NAALADL2: variants seen among roughly 807,000 people sequenced by gnomAD.
NAALADL2 encodes the protein inactive N-acetylated-alpha-linked acidic dipeptidase-like protein 2.
A neutral mutation model predicts 87.2 loss-of-function variants in NAALADL2; 76 were observed. The observed-to-expected ratio is 0.87, with a 90% CI of 0.72 to 1.05. The LOEUF (loss-of-function observed/expected upper bound fraction) is 1.05, where lower values mean the gene tolerates loss of function less well. Among genes scored for constraint, NAALADL2 ranks in the 50% least tolerant of loss-of-function variants. The probability of loss-of-function intolerance (pLI) is 0.00; values close to 1 mark genes in which losing one functional copy is unlikely to be tolerated. For synonymous variants in NAALADL2, 354 were observed against 331.0 expected, an observed-to-expected ratio of 1.07 and a Z score of -0.75; for missense variants, 1,089 against 945.8, an observed-to-expected ratio of 1.15 and a Z score of -1.99.
intron 9 of NAALADL2, among the ~76,000 whole-genome samples, chr3:175,573,830 G>A (rs1718457136): frequency 6.6e-6 from 1 of 152,034 alleles, no homozygotes; most frequent in East Asian, 1.9e-4. Context: ...GTGGGGGGTG[G>A]GGGTCACCAT....
chr3:175,053,631 A>G (rs1268451143), intron 1 of NAALADL2, among the ~76,000 whole-genome samples: 1 of 152,198 alleles, frequency 6.6e-6, no homozygotes, highest in African/African-American at 2.4e-5. Flanking sequence ...TATTTTACCT[A>G]TTTCCTAACT....
intron 1 of NAALADL2, among the ~76,000 whole-genome samples, chr3:174,961,212 G>A (rs1309010190): frequency 6.6e-6 from 1 of 150,846 alleles, no homozygotes; most frequent in African/African-American, 2.4e-5. Context: ...TCAAACTTCT[G>A]TCTTCAAGTG....
At chr3:175,208,899 G>C (rs1220707800) in intron 2 of NAALADL2, among the ~76,000 whole-genome samples, 1 of 152,118 alleles carries the variant, frequency 6.6e-6, no homozygotes, top group Non-Finnish European at 1.5e-5. Context: ...GAACTGTCCA[G>C]GTTGCATTTT....
intron 9 of NAALADL2, among the ~76,000 whole-genome samples, chr3:175,506,031 T>C (rs1730262062): frequency 6.6e-6 from 1 of 152,156 alleles, no homozygotes; most frequent in Non-Finnish European, 1.5e-5. Context: ...TACTACCAGA[T>C]TCCCTTTTGA....
At chr3:175,013,278 CATATAT>C (rs1174600904) in intron 1 of NAALADL2, among the ~76,000 whole-genome samples, 37 of 73,708 alleles carry the variant, frequency 5.0e-4, no homozygotes, top group Middle Eastern at 0.012. Context: ...TATATATATA[CATATAT>C]ATATATATAT....
At chr3:174,503,659 A>G (rs1021954276) in intron 1 of NAALADL2, among the ~76,000 whole-genome samples, 2 of 152,112 alleles carry the variant, frequency 1.3e-5, no homozygotes, top group Admixed American at 6.5e-5. Context: ...AATGCTATGC[A>G]TGCAATTTAT....
chr3:175,152,056 C>T (rs1266503911), intron 2 of NAALADL2, among the ~76,000 whole-genome samples: 3 of 152,224 alleles, frequency 2.0e-5, no homozygotes, highest in East Asian at 3.9e-4. Flanking sequence ...CTGTTATCAA[C>T]TGGGTAATGC....
chr3:175,277,849 C>G (rs1263308723), intron 4 of NAALADL2, among the ~76,000 whole-genome samples: 2 of 152,170 alleles, frequency 1.3e-5, no homozygotes, highest in Non-Finnish European at 2.9e-5. Flanking sequence ...TCTTCTTTTA[C>G]TACTCAAATT....
chr3:174,585,485 T>TA (rs567765002), intron 2 of NAALADL2, among the ~76,000 whole-genome samples: 1 of 152,198 alleles, frequency 6.6e-6, no homozygotes, highest in South Asian at 2.1e-4. Flanking sequence ...CCCTGTAAGA[T>TA]ATCAAGGTTC....
chr3:175,257,266 C>A (rs1049958760), intron 4 of NAALADL2: 2 of 150,154 alleles, frequency 1.3e-5, no homozygotes, highest in African/African-American at 4.9e-5. Context: ...TATTGGATTT[C>A]TCCTCATTCA....
At chr3:175,702,402 A>G (rs1330998669) in intron 11 of NAALADL2, among the ~76,000 whole-genome samples, 1 of 152,176 alleles carries the variant, frequency 6.6e-6, no homozygotes, top group African/African-American at 2.4e-5. Flanking sequence ...TTTCCTTACC[A>G]AGTCATTTAA....
At chr3:174,737,522 TA>T (rs1733343063) in intron 2 of NAALADL2, 1 of 152,158 alleles carries the variant, frequency 6.6e-6, no homozygotes. Flanking sequence ...CTGCTTACAA[TA>T]AAATGAACTG....
At chr3:174,903,980 T>TCTATAC (rs989360437) in intron 1 of NAALADL2, among the ~76,000 whole-genome samples, 3 of 151,424 alleles carry the variant, frequency 2.0e-5, no homozygotes, top group African/African-American at 4.9e-5. Flanking sequence ...TATATCTATA[T>TCTATAC]CTATTTCTAT....
At chr3:175,411,658 G>C (rs1195983019) in intron 5 of NAALADL2, among the ~76,000 whole-genome samples, 1 of 152,088 alleles carries the variant, frequency 6.6e-6, no homozygotes, top group Non-Finnish European at 1.5e-5. Context: ...AAAGAAAAGG[G>C]ATGGATGAAC....
intron 2 of NAALADL2, among the ~76,000 whole-genome samples, chr3:175,145,671 A>G (rs903356903): frequency 1.4e-5 from 2 of 142,850 alleles, no homozygotes; most frequent in African/African-American, 5.2e-5. Context: ...TACTGTCTTG[A>G]TACTTCTGTG....
chr3:174,850,144 C>T (rs774644238), intron 3 of NAALADL2, among the ~76,000 whole-genome samples: 4 of 151,910 alleles, frequency 2.6e-5, no homozygotes, highest in Non-Finnish European at 5.9e-5. Flanking sequence ...CCCTCATGTT[C>T]GAAGGATAAT....
chr3:174,700,759 A>G (rs532627982), intron 2 of NAALADL2, among the ~76,000 whole-genome samples: 2 of 152,316 alleles, frequency 1.3e-5, no homozygotes, highest in African/African-American at 4.8e-5. Context: ...AGGGCAATGA[A>G]GGAAATAAAA....
rs76291473 is a variant in NAALADL2 at position 175,603,648 on chromosome 3, C to T, written c.1801-23643C>T. Reference sequence around the variant, plus strand: ...TTCATGTTGTAGCATATGCCAGAATCGCCTTCCTTTTTAAGGTTGAATAGT... The same window carrying T: ...TTCATGTTGTAGCATATGCCAGAATTGCCTTCCTTTTTAAGGTTGAATAGT... On this transcript the variant is annotated intron_variant, in intron 10 of 13. Transcript: ENST00000454872. Among the ~76,000 whole-genome samples, 294 of 152,234 alleles carry T rather than the reference C, an allele frequency of 1.9e-3. 1 individual carries two copies. Among genetic ancestry groups the T allele is most frequent in the African/African-American group, 6.6e-3 (276 of 41,524 alleles).
At chr3:174,791,964 T>G (rs933730399) in intron 3 of NAALADL2, among the ~76,000 whole-genome samples, 1 of 152,086 alleles carries the variant, frequency 6.6e-6, no homozygotes, top group Non-Finnish European at 1.5e-5. Context: ...ATCCCAGCAC[T>G]TTGGGAGGCC....
Sources: gnomAD v4.1 joint callset for allele counts (sites outside exome capture counted in the v4.1 genomes callset) on GRCh38, gnomAD v4.1.1 for gene constraint, MANE v1.5 for transcripts, NCBI Gene and HGNC (gene_info 2026-07-23, HGNC 2026-07-21) for gene names.